TAOK1: variants seen among roughly 807,000 people sequenced by gnomAD.
TAOK1 encodes the protein serine/threonine-protein kinase TAO1.
In TAOK1, 21 loss-of-function variants were observed where a neutral mutation model predicts 138.3. That is an observed-to-expected ratio of 0.15 (90% CI 0.11 to 0.22). The LOEUF (loss-of-function observed/expected upper bound fraction) is 0.22. TAOK1 is among the 10% of genes least tolerant of loss of function. TAOK1 has a pLI of 1.00. For synonymous variants in TAOK1, 361 were observed against 398.4 expected (o/e 0.91, Z 1.12); for missense variants, 651 against 1,227.7 (o/e 0.53, Z 7.02).
At position 29,502,586 on chromosome 17, in the gene TAOK1, TA is replaced by T; in HGVS notation, c.1204-2del. On this transcript the variant is annotated splice_acceptor_variant, in intron 12 of 19. Coordinates refer to ENST00000261716, the MANE Select transcript of TAOK1 (RefSeq NM_020791.4). LOFTEE classifies it high-confidence loss of function. The stretch of plus-strand genomic sequence containing the variant: ...TAATATTGTCTTTTTTTTTTTTTCC[TA>T]GGAGGAAGAAAATTACAGAGAAGAG... 6.2e-7 allele frequency: 1 copy of T among 1,602,068 alleles called. No individual in the cohort carries two copies. Among genetic ancestry groups the T allele is most frequent in the Non-Finnish European group, 8.5e-7 (1 of 1,175,944 alleles).
chr17:29,495,409 A>T (rs1234472290), intron 10 of TAOK1, 151 bp from the exon 11 acceptor site: 2 of 547,766 alleles, frequency 3.7e-6, no homozygotes, highest in East Asian at 6.4e-5. Flanking sequence ...TATGTAAATG[A>T]TAATTTTATA....
At chr17:29,462,122 A>T (rs1252288613) in intron 2 of TAOK1, among the ~76,000 whole-genome samples, 1 of 152,170 alleles carries the variant, frequency 6.6e-6, no homozygotes, top group African/African-American at 2.4e-5. Flanking sequence ...CTCTGGTCAA[A>T]TTTTTTTAGG....
intron 1 of TAOK1, among the ~76,000 whole-genome samples, chr17:29,393,750 G>C (rs1904502413): frequency 6.6e-6 from 1 of 152,124 alleles, no homozygotes; most frequent in African/African-American, 2.4e-5. Context: ...GAATTTCTGA[G>C]AATCAGCTGG....
intron 1 of TAOK1, among the ~76,000 whole-genome samples, chr17:29,406,194 C>T (rs192557060): frequency 2.6e-5 from 4 of 152,138 alleles, no homozygotes; most frequent in Admixed American, 1.3e-4. Context: ...ATGCCAGTAG[C>T]GTCACCCCTG....
chr17:29,489,865 A>G, intron 9 of TAOK1, 108 bp downstream of exon 9: 1 of 639,402 alleles, frequency 1.6e-6, no homozygotes, highest in South Asian at 3.3e-5. Flanking sequence ...GTATCACCTT[A>G]TAAGATATTA....
chr17:29,492,380 T>C (rs181753122), intron 10 of TAOK1, among the ~76,000 whole-genome samples: 1 of 152,340 alleles, frequency 6.6e-6, no homozygotes, highest in African/African-American at 2.4e-5. Context: ...GCTCTTACCA[T>C]GTCTAAATAG....
rs370384147 is a variant in TAOK1, at chr17:29,522,531, C to T, written c.2148+12C>T. The T allele has an allele frequency of 1.9e-6, 3 of 1,613,246 alleles. No individual in the cohort carries two copies. Among genetic ancestry groups the T allele is most frequent in the Middle Eastern group, 1.6e-4 (1 of 6,080 alleles). On this transcript the variant is annotated intron_variant, in intron 17 of 19. Transcript: ENST00000261716. Reference sequence around the variant, plus strand: ...CTAAGAGTTTGAAGGTATGGTTAGCCTAAGCTTTTTGATAACAGGGAGGAG... The same window carrying T: ...CTAAGAGTTTGAAGGTATGGTTAGCTTAAGCTTTTTGATAACAGGGAGGAG...
At chr17:29,499,143 T>C (rs1416454190) in intron 12 of TAOK1, among the ~76,000 whole-genome samples, 5 of 151,676 alleles carry the variant, frequency 3.3e-5, no homozygotes, top group Non-Finnish European at 5.9e-5. Flanking sequence ...ACACATAAAA[T>C]GATAATGGTT....
Position 29,491,880 on chromosome 17 carries a change from A to G in TAOK1, c.831+15A>G. 1 of 1,576,038 alleles carries G rather than the reference A, an allele frequency of 6.3e-7. No individual in the cohort carries two copies. The highest frequency in any genetic ancestry group is 8.7e-7 in the Non-Finnish European group (1 of 1,151,514). ...AACTTTTAAAGGTCAGTTCTATTAT[A>G]GTTTATTTATTTATTTTATTTTAAG... On this transcript the variant is annotated intron_variant, in intron 10 of 19. Coordinates refer to ENST00000261716, the MANE Select transcript of TAOK1 (RefSeq NM_020791.4).
intron 1 of TAOK1, among the ~76,000 whole-genome samples, chr17:29,414,907 C>T (rs960394272): frequency 3.3e-5 from 5 of 151,808 alleles, no homozygotes; most frequent in Non-Finnish European, 7.4e-5. Flanking sequence ...TATTTATGTA[C>T]CAGAGTTTGT....
chr17:29,456,073 C>A (rs1041905827), intron 2 of TAOK1, among the ~76,000 whole-genome samples: 1 of 150,154 alleles, frequency 6.7e-6, no homozygotes, highest in South Asian at 2.1e-4. Context: ...TAGGGCCGGG[C>A]GCGGTGGCTC....
intron 13 of TAOK1, among the ~76,000 whole-genome samples, chr17:29,503,285 A>T (rs1231201001): frequency 6.6e-6 from 1 of 151,548 alleles, no homozygotes; most frequent in Admixed American, 6.6e-5. Context: ...AGTCCCAGCT[A>T]CTTGAGAGGC....
intron 14 of TAOK1, among the ~76,000 whole-genome samples, chr17:29,509,830 C>G (rs1396174975): frequency 6.6e-6 from 1 of 151,224 alleles, no homozygotes; most frequent in Admixed American, 6.6e-5. Context: ...CAGGAGGAGG[C>G]TGCAATGAGC....
chr17:29,530,066 C>G (rs1421498356), intron 17 of TAOK1, among the ~76,000 whole-genome samples: 1 of 152,002 alleles, frequency 6.6e-6, no homozygotes, highest in Non-Finnish European at 1.5e-5. Context: ...ATGTAATTCT[C>G]TGTCATGAAT....
At chr17:29,454,187 C>G (rs1598487482) in intron 2 of TAOK1, among the ~76,000 whole-genome samples, 1 of 152,136 alleles carries the variant, frequency 6.6e-6, no homozygotes, top group East Asian at 1.9e-4. Flanking sequence ...GTTATTTCCC[C>G]CATTGAATTG....
intron 8 of TAOK1, among the ~76,000 whole-genome samples, chr17:29,487,442 A>G (rs943231453): frequency 6.6e-6 from 1 of 152,122 alleles, no homozygotes; most frequent in Admixed American, 6.6e-5. Flanking sequence ...TAAATGTATT[A>G]TGTACATGTA....
chr17:29,507,811 C>T (rs2031653437), intron 13 of TAOK1, 85 bp from the exon 14 acceptor site: 3 of 1,189,314 alleles, frequency 2.5e-6, no homozygotes, highest in Non-Finnish European at 3.5e-6. Flanking sequence ...TAATTCCCTA[C>T]TTAGTTAATA....
chr17:29,543,247 G>A lies in TAOK1; in HGVS notation c.*225G>A. ...TGTTTTTGGGGAAATTTTGAAAAGTGGAGTTGATATTAAAAATAAATGTGT... is the reference window on the plus strand; with the variant it reads ...TGTTTTTGGGGAAATTTTGAAAAGTAGAGTTGATATTAAAAATAAATGTGT... On this transcript the variant is annotated 3_prime_UTR_variant, in exon 20 of 20. Transcript: ENST00000261716. 2.3e-6 allele frequency: 1 copy of A among 426,448 alleles called. No individual in the cohort carries two copies. Among genetic ancestry groups the A allele is most frequent in the Non-Finnish European group, 4.2e-6 (1 of 237,288 alleles). The allele number at this position is 426,448 out of a possible 1,614,324, so 26.4% of individuals were successfully genotyped here.
At chr17:29,462,517 A>G (rs2030554477) in intron 2 of TAOK1, among the ~76,000 whole-genome samples, 1 of 152,218 alleles carries the variant, frequency 6.6e-6, no homozygotes, top group African/African-American at 2.4e-5. Flanking sequence ...TTTACTTTCT[A>G]ACAAAGTGGG....
Sources: gnomAD v4.1 joint callset for allele counts (sites outside exome capture counted in the v4.1 genomes callset) on GRCh38, gnomAD v4.1.1 for gene constraint, MANE v1.5 for transcripts, NCBI Gene and HGNC (gene_info 2026-07-23, HGNC 2026-07-21) for gene names.